Variants in PSG9 observed in about 807,000 individuals in gnomAD.
PSG9 encodes pregnancy-specific beta-1-glycoprotein 9.
PSG9 carries 49 observed loss-of-function variants against 41.9 expected under a neutral mutation model. That is an observed-to-expected ratio of 1.17 (90% CI 0.93 to 1.48). The LOEUF (loss-of-function observed/expected upper bound fraction) is 1.48. Ranked by LOEUF, PSG9 falls within the 40% of genes most tolerant of loss-of-function variation. The pLI, the probability that PSG9 is intolerant of heterozygous loss-of-function variation, is 0.00. For missense variants in PSG9, 641 were observed against 520.3 expected, an observed-to-expected ratio of 1.23 and a Z score of -2.26; for synonymous variants, 263 against 196.8, an observed-to-expected ratio of 1.34 and a Z score of -2.82.
intron 2 of PSG9, among the ~76,000 whole-genome samples, chr19:43,267,092 C>A (rs530756075): frequency 3.7e-4 from 57 of 152,258 alleles, no homozygotes; most frequent in African/African-American, 8.7e-4. Flanking sequence ...CCTTCTGTTT[C>A]TGCTTCTGGG....
At position 43,257,244 on chromosome 19, in the gene PSG9, G is replaced by A. The variant is rs9158; in HGVS notation, c.1243+958C>T. On this transcript the variant is annotated intron_variant, in intron 5 of 5. Coordinates refer to ENST00000270077, the MANE Select transcript of PSG9 (RefSeq NM_002784.5). The stretch of plus-strand genomic sequence containing the variant: ...TTATTGGGTACAGAGGTTTAATATG[G>A]TAAGAGGAAAAAGTTCTGGAAATGG... 1,988 of 518,142 alleles carry A rather than the reference G, an allele frequency of 3.8e-3. 251 individuals are homozygous for A. In the African/African-American group the frequency reaches 0.042, roughly 11 times the overall value. The allele number at this position is 518,142 out of a possible 1,614,324, so 32.1% of individuals were successfully genotyped here.
Position 43,269,445 on chromosome 19 carries a change from T to A in PSG9, c.-14A>T, listed in dbSNP as rs535803861. 29 of 1,613,336 alleles carry A rather than the reference T, an allele frequency of 1.8e-5. 1 individual carries two copies. Among genetic ancestry groups the A allele is most frequent in the Non-Finnish European group, 2.4e-5 (28 of 1,179,516 alleles). ...GAGGGGCCCCATGGTCTCTGCTGCC[T>A]GTGTGTTCTCCTCTGTGGAGATGAG... On this transcript the variant is annotated 5_prime_UTR_variant, in exon 1 of 6. Transcript: ENST00000270077.
rs976475653 is a variant in PSG9, at chr19:43,257,275, G to T, written c.1243+927C>A. 428 of 744,334 alleles carry T rather than the reference G, an allele frequency of 5.8e-4. 7 individuals are homozygous for T. The highest frequency in any genetic ancestry group is 6.8e-4 in the Non-Finnish European group (420 of 619,410). 46.1% of individuals were successfully genotyped at this position (744,334 alleles called of 1,614,324 possible). A position where few individuals can be genotyped will look rare whatever the true frequency, so the allele number is the denominator to read the frequency against. On this transcript the variant is annotated intron_variant, in intron 5 of 5. Transcript: ENST00000270077. ...GGAAAAAGTTCTGGAAATGGATAGT[G>T]TGATGGTTACACAACACTAAATTGC...
At chr19:43,259,850 A>G in intron 3 of PSG9, 1 of 147,898 alleles carries the variant, frequency 6.8e-6, no homozygotes, top group Admixed American at 6.7e-5. Flanking sequence ...GCTTTGGAGC[A>G]GAACCATGTT....
chr19:43,261,505 A>C (rs1182101994), intron 3 of PSG9, among the ~76,000 whole-genome samples: 1 of 152,154 alleles, frequency 6.6e-6, no homozygotes, highest in Non-Finnish European at 1.5e-5. Flanking sequence ...GTCAGAGGGA[A>C]GGGAAAATCC....
chr19:43,259,023 C>A lies in PSG9; in HGVS notation c.822G>T (p.Trp274Cys). 6.3e-7 allele frequency: 1 copy of A among 1,590,722 alleles called. No individual in the cohort carries two copies. Reference sequence around the variant, plus strand: ...TGACGGGGAGGCTCTGACCGTTTAGCCACCAAATGTAGGTGTAGTTCTCAC... The same window carrying A: ...TGACGGGGAGGCTCTGACCGTTTAGACACCAAATGTAGGTGTAGTTCTCAC... ...PKSENYTYIWWLNGQSLPVSP... is the reference protein window; with the variant it reads ...PKSENYTYIWCLNGQSLPVSP... Residue 274 changes from tryptophan to cysteine, a missense_variant, in exon 4 of 6, where the codon TGG becomes TGT. Physicochemically the swap from Trp to Cys is radical, Grantham distance 215. Transcript: ENST00000270077.
In PSG9 at chr19:43,258,825, T is replaced by G. The variant is rs770950189; in HGVS notation, c.988+32A>C. On this transcript the variant is annotated intron_variant, in intron 4 of 5. Transcript: ENST00000270077. ...CTGGTCGTTTGGACTTAAGCTGGTG[T>G]CCTGGCCCACAGAGGAACAAAAGAT... 2.1e-5 allele frequency: 34 copies of G among 1,584,248 alleles called. 4 individuals are homozygous for G. Among genetic ancestry groups the G allele is most frequent in the Admixed American group, 1.7e-4 (10 of 58,266 alleles).
At chr19:43,264,440 G>A (rs1385318195) in intron 2 of PSG9, among the ~76,000 whole-genome samples, 1 of 151,924 alleles carries the variant, frequency 6.6e-6, no homozygotes, top group Non-Finnish European at 1.5e-5. Context: ...AGCATCAAAA[G>A]CATTCTTCAT....
chr19:43,266,385 A>T (rs187907721), intron 2 of PSG9, among the ~76,000 whole-genome samples: 14 of 151,912 alleles, frequency 9.2e-5, no homozygotes, highest in Admixed American at 8.5e-4. Context: ...GTTTTGGATC[A>T]TTCATTTCTT....
intron 2 of PSG9, among the ~76,000 whole-genome samples, chr19:43,266,580 G>T (rs1286223323): frequency 6.6e-6 from 1 of 151,926 alleles, no homozygotes; most frequent in Non-Finnish European, 1.5e-5. Context: ...AAGATCTGAG[G>T]GGGAGGCCTG....
rs1215018478 is a variant in PSG9 at position 43,269,523 on chromosome 19, CCTT to C, written c.-95_-93del. The stretch of plus-strand genomic sequence containing the variant: ...GGCTGTCAGCTGTGCTGTCCTTCCT[CCTT>C]CTGTGCTGAGCCTCTTCCCGGGGCA... On this transcript the variant is annotated 5_prime_UTR_variant, in exon 1 of 6. Coordinates refer to ENST00000270077, the MANE Select transcript of PSG9 (RefSeq NM_002784.5). The C allele has an allele frequency of 3.2e-6, 5 of 1,564,538 alleles. No individual in the cohort carries two copies. The Admixed American group carries it at 7.0e-5, about 22-fold the overall frequency.
chr19:43,262,599 C>A (rs139218031), intron 2 of PSG9, among the ~76,000 whole-genome samples: 4 of 152,106 alleles, frequency 2.6e-5, no homozygotes, highest in African/African-American at 9.7e-5. Flanking sequence ...TTCCCATTGT[C>A]CTTAAACCCT....
intron 1 of PSG9, 144 bp from the exon 2 acceptor site, chr19:43,268,293 AC>A (rs1969080369): frequency 1.5e-6 from 2 of 1,309,382 alleles, no homozygotes; most frequent in Non-Finnish European, 2.1e-6. Flanking sequence ...CACACAAAAA[AC>A]GGGCATGTGT....
rs763026892 is a variant in PSG9 at position 43,256,713 on chromosome 19, C to T, written c.1243+1489G>A. ...AACAACACAAAACAACAGGTGTTTG[C>T]AAGTAGATGGAAAAATTGGAGCTCT... On this transcript the variant is annotated intron_variant, in intron 5 of 5. Transcript: ENST00000270077. Among the ~76,000 whole-genome samples the T allele has an allele frequency of 3.8e-4, 55 of 146,382 alleles. 2 individuals carry two copies. The highest frequency in any genetic ancestry group is 1.4e-3 in the Admixed American group (20 of 14,702).
At position 43,259,288 on chromosome 19, in the gene PSG9, T is replaced by C. The variant is rs1968598895; in HGVS notation, c.710-153A>G. 1.6e-5 allele frequency: 21 copies of C among 1,325,744 alleles called. 2 individuals are homozygous for C. The highest frequency in any genetic ancestry group is 7.2e-5 in the Admixed American group (3 of 41,548). The allele number at this position is 1,325,744 out of a possible 1,614,324, so 82.1% of individuals were successfully genotyped here. ...CGTGTGTCACAAGACAGATGCATGA[T>C]GATCTAAGGGCTCAAAGACTGTGAG... On this transcript the variant is annotated intron_variant, in intron 3 of 5. Coordinates refer to ENST00000270077, the MANE Select transcript of PSG9 (RefSeq NM_002784.5).
In PSG9 at chr19:43,268,126, G is replaced by A. The variant is rs373307711; in HGVS notation, c.88C>T (p.Pro30Ser). The change falls in exon 2 of 6, where the codon CCG becomes TCG. Residue 30 changes from proline to serine, a missense_variant. Pro to Ser is a moderately conservative substitution (Grantham distance 74). Coordinates refer to ENST00000270077, the MANE Select transcript of PSG9 (RefSeq NM_002784.5). ...LTASLLNFWN[P>S]PTTAEVTIEA... ...ATCGTGACTTCGGCAGTGGTGGGCGGGTTCCAGAAGTTTAAAAGTGATGCT... is the reference window on the plus strand; with the variant it reads ...ATCGTGACTTCGGCAGTGGTGGGCGAGTTCCAGAAGTTTAAAAGTGATGCT... 2 of 1,608,488 alleles carry A rather than the reference G, an allele frequency of 1.2e-6. No homozygotes were observed. Among genetic ancestry groups the A allele is most frequent in the African/African-American group, 1.3e-5 (1 of 74,482 alleles).
intron 2 of PSG9, among the ~76,000 whole-genome samples, chr19:43,262,354 A>C (rs1599831484): frequency 6.6e-6 from 1 of 152,020 alleles, no homozygotes; most frequent in African/African-American, 2.4e-5. Context: ...AGACTTTCTT[A>C]AGTGTGAATT....
chr19:43,267,358 C>CT (rs1285754632), intron 2 of PSG9, among the ~76,000 whole-genome samples: 7 of 152,138 alleles, frequency 4.6e-5, no homozygotes, highest in African/African-American at 1.7e-4. Context: ...GGCTCCTCAG[C>CT]TTAACTGGAG....
chr19:43,266,947 G>A (rs964834120), intron 2 of PSG9, among the ~76,000 whole-genome samples: 1 of 152,152 alleles, frequency 6.6e-6, no homozygotes, highest in Non-Finnish European at 1.5e-5. Context: ...AATGTTAAAT[G>A]ATTCACAGTC....
Sources: allele counts gnomAD v4.1 joint callset (sites outside exome capture counted in the v4.1 genomes callset), GRCh38; gene constraint gnomAD v4.1.1; transcripts MANE v1.5; gene names NCBI Gene and HGNC (gene_info 2026-07-23, HGNC 2026-07-21).